The following PCDHA9 variants were observed in gnomAD, a reference collection of about 807,000 sequenced individuals.
PCDHA9 encodes the protein protocadherin alpha-9.
PCDHA9 carries 62 observed loss-of-function variants against 62.0 expected under a neutral mutation model. That is an observed-to-expected ratio of 1.00 (90% CI 0.81 to 1.23). The LOEUF (loss-of-function observed/expected upper bound fraction) is 1.23, where lower values mean the gene tolerates loss of function less well. PCDHA9 is among the 50% of genes most tolerant of loss of function. PCDHA9 has a pLI of 0.00. For synonymous variants in PCDHA9, 557 were observed against 567.6 expected, an observed-to-expected ratio of 0.98 and a Z score of 0.27; for missense variants, 1,205 against 1,249.8, an observed-to-expected ratio of 0.96 and a Z score of 0.54.
At chr5:140,967,750 C>T (rs782284231) in intron 1 of PCDHA9, 3 of 1,614,072 alleles carry the variant, frequency 1.9e-6, no homozygotes, top group Non-Finnish European at 8.5e-7. Flanking sequence ...ATGAGGAAGC[C>T]TCCTCCTACC....
In PCDHA9 at chr5:140,877,126, C is replaced by G. The variant is rs781947378; in HGVS notation, c.2394+26237C>G. 10 of 1,613,632 alleles carry G rather than the reference C, an allele frequency of 6.2e-6. No homozygotes were observed. The African/African-American group carries it at 1.3e-4, about 22-fold the overall frequency. On this transcript the variant is annotated intron_variant, in intron 1 of 3. Transcript: ENST00000532602. ...GCCTCTGGGCAGCAACGTGACGCTG[C>G]AGGTGTTCGTGCTGGACGAGAACGA... is the stretch of plus-strand genomic sequence containing the variant.
chr5:140,926,745 C>T (rs1344644551), intron 1 of PCDHA9: 3 of 1,219,360 alleles, frequency 2.5e-6, no homozygotes, highest in Non-Finnish European at 3.2e-6. Flanking sequence ...GGCGCAACGT[C>T]GGCGGTCGCT....
rs1314972050 is a variant in PCDHA9, at chr5:141,011,103, T to A, written c.*1166T>A. 6.5e-6 allele frequency: 1 copy of A among 153,762 alleles called. No individual in the cohort carries two copies. Among genetic ancestry groups the A allele is most frequent in the Non-Finnish European group, 1.5e-5 (1 of 68,036 alleles). The allele number at this position is 153,762 out of a possible 1,614,324, so 9.5% of individuals were successfully genotyped here. A position where few individuals can be genotyped will look rare whatever the true frequency, so the allele number is the denominator to read the frequency against. On this transcript the variant is annotated 3_prime_UTR_variant, in exon 4 of 4. Coordinates refer to ENST00000532602, the MANE Select transcript of PCDHA9 (RefSeq NM_031857.2). ...TGATCTCTCTTTCTCTCTCTCTCTC[T>A]CTTTTCTAAGAAACAATTATGTGCA... is the stretch of plus-strand genomic sequence containing the variant.
intron 1 of PCDHA9, chr5:140,926,610 C>A (rs2083401767): frequency 8.5e-6 from 3 of 352,484 alleles, no homozygotes; most frequent in African/African-American, 2.1e-5. Context: ...CTCGTCTCTG[C>A]ACCCCTAGGC....
chr5:140,979,033 C>T, intron 2 of PCDHA9, 26 bp downstream of exon 2: 1 of 1,613,044 alleles, frequency 6.2e-7, no homozygotes, highest in Non-Finnish European at 8.5e-7. Flanking sequence ...CTCATTCACT[C>T]AGAAGTAACC....
At chr5:140,874,354 T>C (rs1554167160) in intron 1 of PCDHA9, among the ~76,000 whole-genome samples, 5 of 152,214 alleles carry the variant, frequency 3.3e-5, no homozygotes, top group Non-Finnish European at 7.3e-5. Context: ...TGATCTTGAA[T>C]TAATGAATAA....
chr5:140,876,585 G>T, intron 1 of PCDHA9: 5 of 1,614,202 alleles, frequency 3.1e-6, no homozygotes, highest in Non-Finnish European at 4.2e-6. Context: ...TCATTGCCCT[G>T]ATTAGCGTGT....
chr5:140,969,128 A>T (rs140518271), intron 1 of PCDHA9: 11 of 1,614,040 alleles, frequency 6.8e-6, no homozygotes, highest in Non-Finnish European at 9.3e-6. Context: ...TGGCTCCCTC[A>T]CCAAGACCTA....
chr5:140,917,336 G>C (rs1183036523), intron 1 of PCDHA9, among the ~76,000 whole-genome samples: 1 of 144,856 alleles, frequency 6.9e-6, no homozygotes, highest in Non-Finnish European at 1.5e-5. Context: ...GGGGAGGGGG[G>C]GGATGGTGTA....
chr5:140,910,183 A>C (rs2074920018), intron 1 of PCDHA9, among the ~76,000 whole-genome samples: 1 of 152,238 alleles, frequency 6.6e-6, no homozygotes, highest in Non-Finnish European at 1.5e-5. Context: ...TTTATAATTC[A>C]AATTAGTCTT....
chr5:140,856,897 G>C, intron 1 of PCDHA9: 1 of 1,596,350 alleles, frequency 6.3e-7, no homozygotes, highest in Non-Finnish European at 8.6e-7. Flanking sequence ...TTAGCTCTTT[G>C]GTCCCACCCA....
chr5:140,925,371 A>G (rs1266840293), intron 1 of PCDHA9, among the ~76,000 whole-genome samples: 2 of 152,136 alleles, frequency 1.3e-5, no homozygotes, highest in Non-Finnish European at 2.9e-5. Context: ...CATAGTCAAT[A>G]GTCAATGAGT....
chr5:140,876,728 C>T (rs200398819), intron 1 of PCDHA9: 11 of 1,614,128 alleles, frequency 6.8e-6, no homozygotes, highest in African/African-American at 1.3e-5. Context: ...GAGAGCGTGT[C>T]GGCCTATGAG....
chr5:140,956,189 A>C (rs2095264873), intron 1 of PCDHA9, among the ~76,000 whole-genome samples: 1 of 152,142 alleles, frequency 6.6e-6, no homozygotes, highest in South Asian at 2.1e-4. Context: ...ACTATGCTGA[A>C]TAGGAGTGGT....
chr5:140,877,255 C>A (rs1554169516), intron 1 of PCDHA9: 2 of 1,613,708 alleles, frequency 1.2e-6, no homozygotes, highest in Non-Finnish European at 8.5e-7. Flanking sequence ...GGCGAAAGTG[C>A]GCGCGGTGGA....
Position 140,882,921 on chromosome 5 carries a change from G to A in PCDHA9, c.2394+32032G>A, listed in dbSNP as rs1554176106. ...TTATTACTGACAGCCAGTGATGGAG[G>A]TAAACCCGAGCTGACTGGCACAGTT... On this transcript the variant is annotated intron_variant, in intron 1 of 3. Coordinates refer to ENST00000532602, the MANE Select transcript of PCDHA9 (RefSeq NM_031857.2). 5.0e-6 allele frequency: 8 copies of A among 1,614,194 alleles called. No individual in the cohort carries two copies. Among genetic ancestry groups the A allele is most frequent in the Non-Finnish European group, 6.8e-6 (8 of 1,180,048 alleles).
At chr5:140,941,255 C>CTTTCTTTCTTTCTTTCTCTT (rs782490896) in intron 1 of PCDHA9, among the ~76,000 whole-genome samples, 1 of 44,508 alleles carries the variant, frequency 2.2e-5, no homozygotes, top group Non-Finnish European at 5.1e-5. Context: ...TTCTTTCTTT[C>CTTTCTTTCTTTCTTTCTCTT]TCTTTCTTTC....
intron 1 of PCDHA9, chr5:140,863,421 C>A (rs564217392): frequency 7.2e-6 from 5 of 689,680 alleles, no homozygotes; most frequent in Admixed American, 1.9e-5. Context: ...TGTACCGCAG[C>A]GTAGTGGGAT....
intron 1 of PCDHA9, among the ~76,000 whole-genome samples, chr5:140,939,903 C>A (rs782506444): frequency 3.9e-4 from 60 of 152,166 alleles, no homozygotes; most frequent in Non-Finnish European, 5.9e-4. Flanking sequence ...ATTCTGCATT[C>A]TTTTTTATTC....
Sources: allele counts gnomAD v4.1 joint callset (sites outside exome capture counted in the v4.1 genomes callset), GRCh38; gene constraint gnomAD v4.1.1; transcripts MANE v1.5; gene names NCBI Gene and HGNC (gene_info 2026-07-23, HGNC 2026-07-21).